Variants in FRMD4B observed in about 807,000 individuals in gnomAD.
The protein encoded by FRMD4B is FERM domain containing 4B.
FRMD4B carries 74 observed loss-of-function variants against 141.5 expected under a neutral mutation model. That is an observed-to-expected ratio of 0.52 (90% CI 0.43 to 0.63). The LOEUF (loss-of-function observed/expected upper bound fraction) is 0.63, where lower values mean the gene tolerates loss of function less well. FRMD4B is among the 30% of genes least tolerant of loss of function. FRMD4B has a pLI of 0.00. For synonymous variants in FRMD4B, 506 were observed against 467.9 expected, an observed-to-expected ratio of 1.08 and a Z score of -1.05; for missense variants, 1,366 against 1,253.4, an observed-to-expected ratio of 1.09 and a Z score of -1.36.
At position 69,217,878 on chromosome 3, in the gene FRMD4B, A is replaced by G. The variant is rs113086253; in HGVS notation, c.789+444T>C. ...TAAACATCTGAAAATACTTTTCATC[A>G]TCTCAAAATATTTGTCAATCTCTCC... On this transcript the variant is annotated intron_variant, in intron 10 of 22. Transcript: ENST00000398540. Among the ~76,000 whole-genome samples the G allele has an allele frequency of 1.8e-3, 276 of 152,282 alleles. 1 individual carries two copies. Among genetic ancestry groups the G allele is most frequent in the African/African-American group, 6.2e-3 (258 of 41,576 alleles).
chr3:69,221,206 G>C (rs116071634), intron 9 of FRMD4B, among the ~76,000 whole-genome samples: 39 of 151,896 alleles, frequency 2.6e-4, no homozygotes, highest in African/African-American at 9.2e-4. Flanking sequence ...CAAATGATCC[G>C]CCCTCCTCAG....
At chr3:69,485,558 G>C (rs1281115916) in intron 1 of FRMD4B, among the ~76,000 whole-genome samples, 8 of 152,186 alleles carry the variant, frequency 5.3e-5, no homozygotes, top group Admixed American at 5.2e-4. Context: ...GATGCAACTG[G>C]GGAGCTCCCA....
At position 69,418,510 on chromosome 3, in the gene FRMD4B, C is replaced by T. The variant is rs1377417012; in HGVS notation, c.-1+14124G>A. Among the ~76,000 whole-genome samples the T allele has an allele frequency of 3.3e-5, 5 of 152,242 alleles. No individual in the cohort carries two copies. In the East Asian group the frequency reaches 9.6e-4, roughly 29 times the overall value. ...ATGCCCAAGGTGATGGGTTATCAAC[C>T]CACAATGACTCCATCTTAGCAGATT... On this transcript the variant is annotated intron_variant, in intron 2 of 5. Coordinates refer to the FRMD4B transcript ENST00000459638.
intron 1 of FRMD4B, among the ~76,000 whole-genome samples, chr3:69,487,536 G>A (rs2107010699): frequency 6.6e-6 from 1 of 152,340 alleles, no homozygotes; most frequent in East Asian, 1.9e-4. Flanking sequence ...AGGACTGGTG[G>A]AGGCAGGAGG....
chr3:69,398,598 C>T (rs1704508772), intron 2 of FRMD4B, among the ~76,000 whole-genome samples: 2 of 152,144 alleles, frequency 1.3e-5, no homozygotes, highest in Admixed American at 1.3e-4. Context: ...TGTAAGCCTC[C>T]CTCACATCCT....
chr3:69,283,975 C>A (rs61532383), intron 5 of FRMD4B, among the ~76,000 whole-genome samples: 49,558 of 145,530 alleles, frequency 0.34, 9,115 homozygotes, highest in Non-Finnish European at 0.36. Context: ...CAAAACAAAA[C>A]AAAAAAAACA....
chr3:69,280,027 T>C (rs1575687038), intron 5 of FRMD4B, among the ~76,000 whole-genome samples: 1 of 152,136 alleles, frequency 6.6e-6, no homozygotes, highest in African/African-American at 2.4e-5. Context: ...TGGTCCATGT[T>C]GGCTGATTAC....
At chr3:69,359,254 T>C (rs1038262803) in intron 1 of FRMD4B, among the ~76,000 whole-genome samples, 2 of 152,056 alleles carry the variant, frequency 1.3e-5, no homozygotes, top group African/African-American at 4.8e-5. Context: ...GAGAACGCTG[T>C]ATGGGGAGAG....
intron 1 of FRMD4B, among the ~76,000 whole-genome samples, chr3:69,442,569 A>G (rs1167605425): frequency 6.6e-6 from 1 of 152,072 alleles, no homozygotes; most frequent in Non-Finnish European, 1.5e-5. Context: ...AAATACTCAT[A>G]AGTGAGTATT....
intron 1 of FRMD4B, among the ~76,000 whole-genome samples, chr3:69,488,891 TAAAAAAA>T (rs35778230): frequency 1.1e-4 from 9 of 82,216 alleles, no homozygotes; most frequent in Non-Finnish European, 1.8e-4. Flanking sequence ...AGACTCCATC[TAAAAAAA>T]AAAAAAAAAA....
At chr3:69,516,318 G>T (rs1700754984) in intron 1 of FRMD4B, among the ~76,000 whole-genome samples, 1 of 152,192 alleles carries the variant, frequency 6.6e-6, no homozygotes. Context: ...TTGCAGATGT[G>T]ATGAAGTTAA....
At chr3:69,441,224 T>G (rs1436386234) in intron 1 of FRMD4B, among the ~76,000 whole-genome samples, 1 of 152,228 alleles carries the variant, frequency 6.6e-6, no homozygotes, top group Non-Finnish European at 1.5e-5. Context: ...TATGTTCTGT[T>G]AGTCATTAAG....
At chr3:69,466,854 C>G (rs1705797365) in intron 1 of FRMD4B, among the ~76,000 whole-genome samples, 1 of 152,056 alleles carries the variant, frequency 6.6e-6, no homozygotes, top group Non-Finnish European at 1.5e-5. Flanking sequence ...TACCACCACA[C>G]CCAGCTAATT....
chr3:69,358,468 G>T lies in FRMD4B; in HGVS notation c.162+27360C>A, dbSNP rs543962672. On this transcript the variant is annotated intron_variant, in intron 1 of 22. Coordinates refer to ENST00000398540, the MANE Select transcript of FRMD4B (RefSeq NM_015123.3). ...AGGTGGGACTGGCCAGATCCGGGGGGCACATGCCTGTAATCCCAGCAGTTT... is the reference window on the plus strand; with the variant it reads ...AGGTGGGACTGGCCAGATCCGGGGGTCACATGCCTGTAATCCCAGCAGTTT... Among the ~76,000 whole-genome samples, 34 of 152,258 alleles carry T rather than the reference G, an allele frequency of 2.2e-4. No homozygotes were observed. The South Asian group carries it at 3.7e-3, about 17-fold the overall frequency.
At chr3:69,207,198 G>C (rs2093031595) in intron 11 of FRMD4B, among the ~76,000 whole-genome samples, 1 of 151,838 alleles carries the variant, frequency 6.6e-6, no homozygotes, top group South Asian at 2.1e-4. Context: ...CTAGCTACTT[G>C]AGAGGCTAAG....
Position 69,198,482 on chromosome 3 carries a change from G to T in FRMD4B, c.953+216C>A, listed in dbSNP as rs1385055837. ...CGGCATTGGAACCACATATACTGCT[G>T]CTTGGGATGTAAAATGGTGCAGCAC... On this transcript the variant is annotated intron_variant, in intron 12 of 22. Coordinates refer to ENST00000398540, the MANE Select transcript of FRMD4B (RefSeq NM_015123.3). 5.5e-6 allele frequency: 3 copies of T among 544,010 alleles called. No homozygotes were observed. The African/African-American group carries it at 5.7e-5, about 10-fold the overall frequency. The allele number at this position is 544,010 out of a possible 1,614,324, so 33.7% of individuals were successfully genotyped here.
intron 1 of FRMD4B, among the ~76,000 whole-genome samples, chr3:69,524,445 A>G (rs1437442636): frequency 6.6e-6 from 1 of 152,220 alleles, no homozygotes; most frequent in African/African-American, 2.4e-5. Context: ...TAAAGCTGTC[A>G]TGTGTTGAGG....
At chr3:69,428,959 C>G (rs114061126) in intron 2 of FRMD4B, among the ~76,000 whole-genome samples, 1 of 152,164 alleles carries the variant, frequency 6.6e-6, no homozygotes, top group Non-Finnish European at 1.5e-5. Context: ...CATCCTTTTG[C>G]GACTGGCTTA....
At chr3:69,429,909 A>G (rs1705149154) in intron 2 of FRMD4B, among the ~76,000 whole-genome samples, 1 of 151,568 alleles carries the variant, frequency 6.6e-6, no homozygotes, top group Admixed American at 6.6e-5. Context: ...ATAGGCATGC[A>G]CCACCACGTC....
Sources: gnomAD v4.1 joint callset for allele counts (sites outside exome capture counted in the v4.1 genomes callset) on GRCh38, gnomAD v4.1.1 for gene constraint, MANE v1.5 for transcripts, NCBI Gene and HGNC (gene_info 2026-07-23, HGNC 2026-07-21) for gene names.